The following IL19 variants were observed in gnomAD, a reference collection of about 807,000 sequenced individuals.
The protein encoded by IL19 is interleukin 19, also known as interleukin-19.
Under a neutral mutation model 19.5 loss-of-function variants are expected in IL19, and 15 were observed. The ratio of observed to expected loss-of-function variants is 0.77; its 90% confidence interval spans 0.52 to 1.19. The LOEUF (loss-of-function observed/expected upper bound fraction) is 1.19. Among genes scored for constraint, IL19 ranks in the 50% most tolerant of loss-of-function variants. The pLI is 0.00. For missense variants in IL19, 199 were observed against 213.1 expected (o/e 0.93, Z 0.41); for synonymous variants, 78 against 78.3 (o/e 1.00, Z 0.02).
chr1:206,841,157 C>A, intron 6 of IL19, 79 bp downstream of exon 6: 2 of 1,065,656 alleles, frequency 1.9e-6, no homozygotes, highest in Non-Finnish European at 2.9e-6. Context: ...GCCTCCTCTC[C>A]ACTTAAATTC....
chr1:206,831,106 A>G (rs893324506), intron 2 of IL19, among the ~76,000 whole-genome samples: 3 of 152,202 alleles, frequency 2.0e-5, no homozygotes, highest in African/African-American at 7.2e-5. Context: ...TATGCGCTCA[A>G]GACTCAGTAC....
intron 6 of IL19, among the ~76,000 whole-genome samples, chr1:206,841,280 T>C (rs1316557570): frequency 6.6e-6 from 1 of 152,234 alleles, no homozygotes; most frequent in African/African-American, 2.4e-5. Context: ...ATCTCCATCA[T>C]TCCTCCACCA....
At chr1:206,774,852 A>G (rs1674952958) in intron 1 of IL19, among the ~76,000 whole-genome samples, 1 of 152,054 alleles carries the variant, frequency 6.6e-6, no homozygotes, top group Non-Finnish European at 1.5e-5. Context: ...GGGCACAGGT[A>G]AGCATTCAGA....
chr1:206,781,253 G>T (rs1675120679), intron 1 of IL19, among the ~76,000 whole-genome samples: 1 of 151,646 alleles, frequency 6.6e-6, no homozygotes, highest in Non-Finnish European at 1.5e-5. Flanking sequence ...AGACCAGCCT[G>T]GCCAACATGG....
At position 206,770,794 on chromosome 1, in the gene IL19, A is replaced by G. The variant is rs1482650902; in HGVS notation, c.-433A>G. The G allele has an allele frequency of 9.6e-7, 1 of 1,039,780 alleles. No homozygotes were observed. The highest frequency in any genetic ancestry group is 1.6e-5 in the African/African-American group (1 of 64,152). The allele number at this position is 1,039,780 out of a possible 1,614,324, so 64.4% of individuals were successfully genotyped here. ...CAGGAGTCTTTCCTCATTTACAGCT[A>G]GCTCTGCCAGTCTGTGTCTTTGCTG... On this transcript the variant is annotated 5_prime_UTR_variant, in exon 1 of 7. Transcript: ENST00000659997.
chr1:206,795,568 G>A (rs1424584530), intron 1 of IL19, among the ~76,000 whole-genome samples: 4 of 152,190 alleles, frequency 2.6e-5, no homozygotes, highest in Non-Finnish European at 4.4e-5. Context: ...GTGAACTGTA[G>A]AATGCTGGAG....
intron 1 of IL19, among the ~76,000 whole-genome samples, chr1:206,777,443 A>G (rs947484819): frequency 3.0e-4 from 45 of 150,842 alleles, no homozygotes; most frequent in African/African-American, 1.1e-3. Flanking sequence ...CCTCCCAGCT[A>G]CTCTCATGCT....
chr1:206,815,902 C>A (rs993696856), intron 2 of IL19, among the ~76,000 whole-genome samples: 1 of 152,080 alleles, frequency 6.6e-6, no homozygotes, highest in Admixed American at 6.5e-5. Flanking sequence ...AGCAGGCCCT[C>A]GAATAACATT....
intron 2 of IL19, among the ~76,000 whole-genome samples, chr1:206,810,244 C>A (rs748745257): frequency 6.6e-6 from 1 of 152,204 alleles, no homozygotes; most frequent in African/African-American, 2.4e-5. Context: ...ATTTATGAGA[C>A]ATTCTGGGTT....
chr1:206,836,626 T>G, intron 2 of IL19, 35 bp from the exon 3 acceptor site: 1 of 1,570,628 alleles, frequency 6.4e-7, no homozygotes, highest in Non-Finnish European at 8.6e-7. Context: ...CCCTCCACTC[T>G]TGGCTGGACA....
rs564849964 is a variant in IL19 at position 206,790,095 on chromosome 1, T to G, written c.-148-8766T>G. Among the ~76,000 whole-genome samples the G allele has an allele frequency of 2.6e-5, 4 of 152,312 alleles. No homozygotes were observed. The East Asian group carries it at 7.7e-4, about 29-fold the overall frequency. ...ATTGAGTGGTAAATGTGCTTTTAGT[T>G]TTTTGAAAAATCTCCATACTCTTTT... On this transcript the variant is annotated intron_variant, in intron 1 of 6. Transcript: ENST00000659997.
chr1:206,814,045 G>C (rs1484429610), intron 2 of IL19, among the ~76,000 whole-genome samples: 2 of 148,426 alleles, frequency 1.3e-5, no homozygotes, highest in African/African-American at 5.1e-5. Context: ...TTTATATATA[G>C]TAAGAGATGC....
intron 2 of IL19, among the ~76,000 whole-genome samples, chr1:206,830,424 C>A (rs1421582752): frequency 6.6e-6 from 1 of 151,778 alleles, no homozygotes; most frequent in Non-Finnish European, 1.5e-5. Context: ...CTTTTTCTCA[C>A]CTTTTTTTTT....
At chr1:206,836,507 C>T (rs550729858) in intron 2 of IL19, among the ~76,000 whole-genome samples, 154 bp from the exon 3 acceptor site, 7 of 152,258 alleles carry the variant, frequency 4.6e-5, no homozygotes, top group Admixed American at 3.9e-4. Flanking sequence ...GAGATACATA[C>T]CCCTGTAACT....
intron 2 of IL19, among the ~76,000 whole-genome samples, chr1:206,804,151 C>T (rs1361241091): frequency 6.6e-6 from 1 of 152,136 alleles, no homozygotes; most frequent in Non-Finnish European, 1.5e-5. Flanking sequence ...AGGAGGGCTT[C>T]AGGTATATTT....
intron 1 of IL19, among the ~76,000 whole-genome samples, chr1:206,776,571 T>C (rs991293505): frequency 1.3e-5 from 2 of 152,016 alleles, no homozygotes; most frequent in East Asian, 1.9e-4. Context: ...GGTTTTCCTG[T>C]TGAGAGCGGG....
chr1:206,818,059 C>T (rs750720602), intron 2 of IL19, among the ~76,000 whole-genome samples: 10 of 152,096 alleles, frequency 6.6e-5, no homozygotes, highest in African/African-American at 1.4e-4. Flanking sequence ...CCACCACGCC[C>T]GGCCAATTAT....
chr1:206,786,892 G>A (rs915147697), intron 1 of IL19, among the ~76,000 whole-genome samples: 1 of 150,022 alleles, frequency 6.7e-6, no homozygotes, highest in African/African-American at 2.5e-5. Flanking sequence ...CCAAGCCACC[G>A]GAGAACAGAA....
intron 1 of IL19, among the ~76,000 whole-genome samples, chr1:206,787,978 G>A (rs1186046426): frequency 6.6e-6 from 1 of 152,186 alleles, no homozygotes; most frequent in Non-Finnish European, 1.5e-5. Context: ...GGGAATCCGT[G>A]TTTTTCAGCA....
Sources: allele counts gnomAD v4.1 joint callset (sites outside exome capture counted in the v4.1 genomes callset), GRCh38; gene constraint gnomAD v4.1.1; transcripts MANE v1.5; gene names NCBI Gene and HGNC (gene_info 2026-07-23, HGNC 2026-07-21).